The following DPYSL2 variants were observed in gnomAD, a reference collection of about 807,000 sequenced individuals.
The protein encoded by DPYSL2 is dihydropyrimidinase-related protein 2.
A neutral mutation model predicts 69.9 loss-of-function variants in DPYSL2; 13 were observed. The observed-to-expected ratio is 0.19, with a 90% CI of 0.12 to 0.30. The LOEUF (loss-of-function observed/expected upper bound fraction) is 0.30, where lower values mean the gene tolerates loss of function less well. Ranked by LOEUF, DPYSL2 falls within the 10% of genes least tolerant of loss-of-function variation. DPYSL2 has a pLI of 1.00. For missense variants in DPYSL2, 587 were observed against 918.9 expected, an observed-to-expected ratio of 0.64 and a Z score of 4.67; for synonymous variants, 326 against 359.1, an observed-to-expected ratio of 0.91 and a Z score of 1.04.
At position 26,597,153 on chromosome 8, in the gene DPYSL2, C is replaced by T. The variant is rs1323731006; in HGVS notation, c.628+13170C>T. Reference sequence around the variant, plus strand: ...TATATTGGGTGTCTCTTCTCTCCTACAGAAGCCCTGGGTTGATGCCCTAGA... The same window carrying T: ...TATATTGGGTGTCTCTTCTCTCCTATAGAAGCCCTGGGTTGATGCCCTAGA... On this transcript the variant is annotated intron_variant, in intron 3 of 13. Transcript: ENST00000521913. This position sits in a 1 kb window ranked among gnomAD's most constrained non-coding sequence, Gnocchi z 5.2. Among the ~76,000 whole-genome samples the T allele has an allele frequency of 6.6e-6, 1 of 152,232 alleles. No individual in the cohort carries two copies. The highest frequency in any genetic ancestry group is 2.4e-5 in the African/African-American group (1 of 41,456).
intron 1 of DPYSL2, among the ~76,000 whole-genome samples, chr8:26,557,143 A>T (rs1461577209): frequency 6.6e-6 from 1 of 151,748 alleles, no homozygotes; most frequent in African/African-American, 2.4e-5. Context: ...ATAGAAGATG[A>T]CTTTTTAGAT....
rs1422783269 is a variant in DPYSL2 at position 26,609,332 on chromosome 8, G to T, written c.629-14811G>T. The stretch of plus-strand genomic sequence containing the variant: ...TTTCCTGTTATTAACAATGGCTTTG[G>T]GGCTTTTGGGGCGCATTTAGTTCTG... On this transcript the variant is annotated intron_variant, in intron 3 of 13. Transcript: ENST00000521913. This position sits in a 1 kb window ranked among gnomAD's most constrained non-coding sequence, Gnocchi z 6.5. 2.0e-5 allele frequency among the ~76,000 whole-genome samples: 3 copies of T among 152,048 alleles called. No individual in the cohort carries two copies. The highest frequency in any genetic ancestry group is 2.9e-5 in the Non-Finnish European group (2 of 68,010).
chr8:26,653,169 G>C lies in DPYSL2; in HGVS notation c.1777-63G>C. ...CACAGGCCCATCCTCCCTCCAGGAG[G>C]GTTTCTAGAGAGGTATCCTCTGTGG... On this transcript the variant is annotated intron_variant, in intron 12 of 13. Coordinates refer to ENST00000521913, the MANE Select transcript of DPYSL2 (RefSeq NM_001197293.3). The surrounding 1 kb of genome is among the most constrained non-coding windows in gnomAD (Gnocchi z 5.7). The C allele has an allele frequency of 6.4e-7, 1 of 1,563,120 alleles. No homozygotes were observed.
rs996336088 is a variant in DPYSL2, at chr8:26,533,584, G to A, written c.354+18905G>A. Among the ~76,000 whole-genome samples, 6 of 152,152 alleles carry A rather than the reference G, an allele frequency of 3.9e-5. No homozygotes were observed. Among genetic ancestry groups the A allele is most frequent in the Non-Finnish European group, 7.3e-5 (5 of 68,032 alleles). ...GTCTAACTTCATTATTTTGCCTGTGGATGTCCAGTTGTCCCAGCTCCATTT... is the reference window on the plus strand; with the variant it reads ...GTCTAACTTCATTATTTTGCCTGTGAATGTCCAGTTGTCCCAGCTCCATTT... On this transcript the variant is annotated intron_variant, in intron 1 of 13. Transcript: ENST00000521913. The surrounding 1 kb of genome is among the most constrained non-coding windows in gnomAD (Gnocchi z 4.8).
At chr8:26,581,342 G>A (rs1801488758) in intron 1 of DPYSL2, among the ~76,000 whole-genome samples, 1 of 151,208 alleles carries the variant, frequency 6.6e-6, no homozygotes, top group Non-Finnish European at 1.5e-5. Context: ...TTTAAATTGA[G>A]GTTTAGCCAA....
intron 3 of DPYSL2, among the ~76,000 whole-genome samples, chr8:26,590,659 C>T (rs1431238757): frequency 6.6e-6 from 1 of 150,920 alleles, no homozygotes; most frequent in African/African-American, 2.4e-5. Context: ...GGTGTCACTG[C>T]GTGAATCTCG....
At chr8:26,550,741 G>A (rs748832240) in intron 1 of DPYSL2, among the ~76,000 whole-genome samples, 1 of 152,148 alleles carries the variant, frequency 6.6e-6, no homozygotes, top group Non-Finnish European at 1.5e-5. Context: ...TCTGCAAGCT[G>A]GAGAACCAGG....
chr8:26,607,208 C>T (rs760942207), intron 3 of DPYSL2, among the ~76,000 whole-genome samples: 1 of 152,024 alleles, frequency 6.6e-6, no homozygotes, highest in African/African-American at 2.4e-5. Context: ...TTTTGGGGGC[C>T]GGGTGGTGCC....
At chr8:26,549,355 A>G (rs889894481) in intron 1 of DPYSL2, among the ~76,000 whole-genome samples, 1 of 151,722 alleles carries the variant, frequency 6.6e-6, no homozygotes, top group African/African-American at 2.4e-5. Context: ...GTCAGTAGAA[A>G]CTTCCAAAAT....
At chr8:26,592,012 A>G (rs1305145458) in intron 3 of DPYSL2, among the ~76,000 whole-genome samples, 1 of 149,952 alleles carries the variant, frequency 6.7e-6, no homozygotes, top group East Asian at 1.9e-4. Context: ...TTCGTTTAAT[A>G]TCCCTCTCTC....
At chr8:26,645,842 G>A (rs1174322549) in intron 10 of DPYSL2, among the ~76,000 whole-genome samples, 1 of 151,722 alleles carries the variant, frequency 6.6e-6, no homozygotes, top group Admixed American at 6.6e-5. Flanking sequence ...GAGCCACCAT[G>A]CCTGGCCAGG....
chr8:26,644,486 T>C lies in DPYSL2; in HGVS notation c.1425+395T>C, dbSNP rs1017631589. Among the ~76,000 whole-genome samples the C allele has an allele frequency of 2.0e-5, 3 of 151,942 alleles. No individual in the cohort carries two copies. The East Asian group carries it at 5.8e-4, about 29-fold the overall frequency. On this transcript the variant is annotated intron_variant, in intron 10 of 13. Coordinates refer to ENST00000521913, the MANE Select transcript of DPYSL2 (RefSeq NM_001197293.3). The surrounding 1 kb of genome is among the most constrained non-coding windows in gnomAD (Gnocchi z 4.5). The stretch of plus-strand genomic sequence containing the variant: ...CATGCCTGGCTAATTTTTTTTTTAT[T>C]TTTTGTGGAGATGGGGGTCTCACTA...
chr8:26,558,006 G>A (rs1270499076), intron 1 of DPYSL2, among the ~76,000 whole-genome samples: 2 of 151,782 alleles, frequency 1.3e-5, no homozygotes, highest in East Asian at 3.9e-4. Flanking sequence ...ATGCAAAATG[G>A]TACAGCCACT....
chr8:26,554,724 C>G lies in DPYSL2; in HGVS notation c.355-27245C>G, dbSNP rs1185662753. ...GTAAATCATACCAATTCTCTATAATCTTTTCCAGAAAACAGAAGCAGTGGG... is the reference window on the plus strand; with the variant it reads ...GTAAATCATACCAATTCTCTATAATGTTTTCCAGAAAACAGAAGCAGTGGG... On this transcript the variant is annotated intron_variant, in intron 1 of 13. Coordinates refer to ENST00000521913, the MANE Select transcript of DPYSL2 (RefSeq NM_001197293.3). Among the ~76,000 whole-genome samples the G allele has an allele frequency of 2.0e-5, 3 of 152,206 alleles. 1 individual carries two copies. The highest frequency in any genetic ancestry group is 1.5e-5 in the Non-Finnish European group (1 of 68,002).
chr8:26,613,587 C>T lies in DPYSL2; in HGVS notation c.629-10556C>T, dbSNP rs536527284. 9.2e-4 allele frequency among the ~76,000 whole-genome samples: 140 copies of T among 152,266 alleles called. 1 individual carries two copies. Among genetic ancestry groups the T allele is most frequent in the African/African-American group, 3.2e-3 (133 of 41,548 alleles). ...GGTCCTGCTCCTTATATCCATTGAC[C>T]AGTGAGTGATGAGGAAGACTGAATG... On this transcript the variant is annotated intron_variant, in intron 3 of 13. Coordinates refer to ENST00000521913, the MANE Select transcript of DPYSL2 (RefSeq NM_001197293.3).
At chr8:26,549,923 CAG>C (rs1800845768) in intron 1 of DPYSL2, among the ~76,000 whole-genome samples, 1 of 151,826 alleles carries the variant, frequency 6.6e-6, no homozygotes, top group South Asian at 2.1e-4. Context: ...AAAAAATCTT[CAG>C]AGAGAAGGAA....
Position 26,652,245 on chromosome 8 carries a change from C to CCTT in DPYSL2, c.1597-6_1597-4dup, listed in dbSNP as rs761021767. ...GTGGCCTGTTCTAGAGTTTACTTTGCCTTCTTCTCAGTCTCTCGAGTACAA... is the reference window on the plus strand; with the variant it reads ...GTGGCCTGTTCTAGAGTTTACTTTGCCTTCTTCTTCTCAGTCTCTCGAGTACAA... On this transcript the variant is annotated splice_polypyrimidine_tract_variant and intron_variant, in intron 11 of 13. Coordinates refer to ENST00000521913, the MANE Select transcript of DPYSL2 (RefSeq NM_001197293.3). This position sits in a 1 kb window ranked among gnomAD's most constrained non-coding sequence, Gnocchi z 6.3. The CCTT allele has an allele frequency of 6.2e-7, 1 of 1,607,934 alleles. No homozygotes were observed. Among genetic ancestry groups the CCTT allele is most frequent in the Non-Finnish European group, 8.5e-7 (1 of 1,176,600 alleles).
intron 3 of DPYSL2, among the ~76,000 whole-genome samples, chr8:26,622,677 A>G (rs577263302): frequency 6.6e-6 from 1 of 152,012 alleles, no homozygotes; most frequent in African/African-American, 2.4e-5. Context: ...TAATTTTTGT[A>G]TTTTTAGTAG....
intron 1 of DPYSL2, among the ~76,000 whole-genome samples, chr8:26,579,498 T>G (rs1181557649): frequency 6.6e-6 from 1 of 152,216 alleles, no homozygotes; most frequent in Non-Finnish European, 1.5e-5. Flanking sequence ...AAGAGCCTTT[T>G]AAAGCAGTCA....
Sources: gnomAD v4.1 joint callset for allele counts (sites outside exome capture counted in the v4.1 genomes callset) on GRCh38, gnomAD v4.1.1 for gene constraint, Gnocchi (gnomAD v3.1) non-coding constraint, MANE v1.5 for transcripts, NCBI Gene and HGNC (gene_info 2026-07-23, HGNC 2026-07-21) for gene names.